Variants in GPHN observed in about 807,000 individuals in gnomAD.
GPHN encodes gephyrin.
In GPHN, 17 loss-of-function variants were observed where a neutral mutation model predicts 95.5. That is an observed-to-expected ratio of 0.18 (90% CI 0.12 to 0.27). The LOEUF (loss-of-function observed/expected upper bound fraction) is 0.27. Among genes scored for constraint, GPHN ranks in the 10% least tolerant of loss-of-function variants. GPHN has a pLI of 1.00. For missense variants in GPHN, 660 were observed against 978.1 expected (o/e 0.67, Z 4.34); for synonymous variants, 320 against 322.5 (o/e 0.99, Z 0.08).
At chr14:66,889,489 G>T (rs1180648695) in intron 5 of GPHN, among the ~76,000 whole-genome samples, 1 of 152,048 alleles carries the variant, frequency 6.6e-6, no homozygotes, top group Non-Finnish European at 1.5e-5. Context: ...TTACAAATAT[G>T]TGAAAATTAA....
chr14:66,729,569 T>G (rs909487885), intron 2 of GPHN, among the ~76,000 whole-genome samples: 2 of 152,204 alleles, frequency 1.3e-5, no homozygotes, highest in Non-Finnish European at 2.9e-5. Flanking sequence ...CTTTCTTGGA[T>G]GATGGAAATA....
chr14:67,274,469 C>T, the GPHN span, among the ~76,000 whole-genome samples: 1 of 151,912 alleles, frequency 6.6e-6, no homozygotes, highest in Non-Finnish European at 1.5e-5. Context: ...CTGTTCTGTT[C>T]CATTGGTCTA....
At chr14:66,959,050 T>C (rs1417720832) in intron 8 of GPHN, among the ~76,000 whole-genome samples, 2 of 152,162 alleles carry the variant, frequency 1.3e-5, no homozygotes, top group South Asian at 4.1e-4. Context: ...CATAACAATG[T>C]AGTTTGAATT....
chr14:66,923,060 A>C (rs910100198), intron 7 of GPHN, 122 bp downstream of exon 7: 1 of 823,562 alleles, frequency 1.2e-6, no homozygotes, highest in African/African-American at 1.7e-5. Flanking sequence ...CTAAAAAAAT[A>C]AGTGGGATGT....
At chr14:66,893,476 C>A (rs1478509531) in intron 5 of GPHN, among the ~76,000 whole-genome samples, 2 of 152,150 alleles carry the variant, frequency 1.3e-5, no homozygotes, top group African/African-American at 4.8e-5. Context: ...CCTCTCTCAC[C>A]ACTGCTATTC....
At chr14:67,588,167 C>A in the GPHN span, 5 of 152,690 alleles carry the variant, frequency 3.3e-5, no homozygotes, top group Non-Finnish European at 7.3e-5. Context: ...CCCAGTACCA[C>A]GCAATGTGCA....
intron 8 of GPHN, among the ~76,000 whole-genome samples, chr14:66,960,355 T>C (rs547012039): frequency 1.4e-4 from 21 of 152,016 alleles, no homozygotes; most frequent in African/African-American, 4.8e-4. Context: ...GTTGAAAACT[T>C]GACATTTAAA....
At chr14:67,177,055 G>T (rs1244075447) in intron 21 of GPHN, among the ~76,000 whole-genome samples, 1 of 151,952 alleles carries the variant, frequency 6.6e-6, no homozygotes, top group South Asian at 2.1e-4. Flanking sequence ...TTTTTTGAAG[G>T]GTTTTTTGTG....
intron 4 of GPHN, among the ~76,000 whole-genome samples, chr14:66,868,160 A>G (rs530420295): frequency 8.5e-5 from 13 of 152,144 alleles, no homozygotes; most frequent in Non-Finnish European, 1.5e-4. Context: ...AGTCTTTGTT[A>G]TTTATTTAAG....
intron 10 of GPHN, among the ~76,000 whole-genome samples, chr14:67,035,423 A>C (rs940325744): frequency 6.6e-6 from 1 of 151,894 alleles, no homozygotes; most frequent in Non-Finnish European, 1.5e-5. Flanking sequence ...GAGAATAAAA[A>C]TACTAGGAAA....
At chr14:66,558,293 A>G (rs534463422) in intron 1 of GPHN, among the ~76,000 whole-genome samples, 79 of 152,282 alleles carry the variant, frequency 5.2e-4, no homozygotes, top group African/African-American at 1.7e-3. Flanking sequence ...ATTTTCAGGA[A>G]TGACATAAAT....
chr14:67,590,303 A>G, the GPHN span: 1 of 636,682 alleles, frequency 1.6e-6, no homozygotes, highest in Non-Finnish European at 2.4e-6. Flanking sequence ...CCCAGGCTGG[A>G]GTGCAGTGGC....
chr14:66,825,404 C>T (rs931372219), intron 4 of GPHN, among the ~76,000 whole-genome samples: 6 of 152,044 alleles, frequency 3.9e-5, no homozygotes, highest in African/African-American at 1.4e-4. Flanking sequence ...GGTACTTTTG[C>T]TCTGCATCTA....
chr14:67,181,596 A>C lies in GPHN; in HGVS notation c.*659A>C, dbSNP rs1253507042. On this transcript the variant is annotated 3_prime_UTR_variant, in exon 23 of 23. Coordinates refer to ENST00000478722, the MANE Select transcript of GPHN (RefSeq NM_020806.5). ...AGAAAAAATGCTTCCTTAAGTGCTG[A>C]CAGCCTTTTTAACCAATACATTTAA... is the stretch of plus-strand genomic sequence containing the variant. 1 of 427,308 alleles carries C rather than the reference A, an allele frequency of 2.3e-6. No homozygotes were observed. Among genetic ancestry groups the C allele is most frequent in the Non-Finnish European group, 4.5e-6 (1 of 220,970 alleles). 26.5% of individuals were successfully genotyped at this position (427,308 alleles called of 1,614,324 possible).
intron 6 of GPHN, among the ~76,000 whole-genome samples, chr14:66,917,246 T>C (rs2065959320): frequency 6.6e-6 from 1 of 152,176 alleles, no homozygotes; most frequent in Admixed American, 6.6e-5. Context: ...AGTCAAAAGA[T>C]ACTGGCACGT....
intron 21 of GPHN, among the ~76,000 whole-genome samples, chr14:67,178,818 G>T (rs1373253055): frequency 2.0e-5 from 3 of 151,914 alleles, no homozygotes; most frequent in African/African-American, 7.3e-5. Flanking sequence ...AACAGCAAAA[G>T]AAAAGCATCA....
the GPHN span, among the ~76,000 whole-genome samples, chr14:67,434,258 T>C: frequency 6.6e-6 from 1 of 152,232 alleles, no homozygotes; most frequent in Admixed American, 6.5e-5. Context: ...ATATAAATGA[T>C]AAAACAATGT....
chr14:67,451,712 C>T, the GPHN span, among the ~76,000 whole-genome samples: 3 of 152,164 alleles, frequency 2.0e-5, no homozygotes, highest in Admixed American at 6.5e-5. Context: ...TTTACAGGCT[C>T]ATAGATAGAA....
At chr14:66,627,120 C>G (rs2063555721) in intron 1 of GPHN, among the ~76,000 whole-genome samples, 1 of 151,770 alleles carries the variant, frequency 6.6e-6, no homozygotes. Flanking sequence ...CTAATGAATA[C>G]CCATATAATT....
Sources: allele counts gnomAD v4.1 joint callset (sites outside exome capture counted in the v4.1 genomes callset), GRCh38; gene constraint gnomAD v4.1.1; transcripts MANE v1.5; gene names NCBI Gene and HGNC (gene_info 2026-07-23, HGNC 2026-07-21).